MAP2K6: variants seen among roughly 807,000 people sequenced by gnomAD.
The protein encoded by MAP2K6 is mitogen-activated protein kinase kinase 6, also known as dual specificity mitogen-activated protein kinase kinase 6.
In MAP2K6, 16 loss-of-function variants were observed where a neutral mutation model predicts 53.7. The ratio of observed to expected loss-of-function variants is 0.30; its 90% CI spans 0.20 to 0.45. The LOEUF (loss-of-function observed/expected upper bound fraction) is 0.45. Among genes scored for constraint, MAP2K6 ranks in the 20% least tolerant of loss-of-function variants. MAP2K6 has a pLI of 1.00. For missense variants in MAP2K6, 204 were observed against 411.9 expected, an observed-to-expected ratio of 0.50 and a Z score of 4.37; for synonymous variants, 132 against 143.1, an observed-to-expected ratio of 0.92 and a Z score of 0.55.
intron 1 of MAP2K6, among the ~76,000 whole-genome samples, chr17:69,449,501 T>TC (rs748689577): frequency 0.047 from 4,616 of 98,802 alleles, 297 homozygotes; most frequent in South Asian, 0.087. Flanking sequence ...TTTCTTTCTT[T>TC]TTTCTTTCTT....
At chr17:69,535,494 G>C (rs576733641) in intron 10 of MAP2K6, among the ~76,000 whole-genome samples, 1 of 152,228 alleles carries the variant, frequency 6.6e-6, no homozygotes, top group Admixed American at 6.5e-5. Flanking sequence ...AGGAGGCTGA[G>C]GCAGGAAGAT....
At chr17:69,426,656 G>C (rs1906284345) in intron 1 of MAP2K6, among the ~76,000 whole-genome samples, 1 of 152,178 alleles carries the variant, frequency 6.6e-6, no homozygotes, top group Non-Finnish European at 1.5e-5. Flanking sequence ...TCAGGAAAGT[G>C]TTGACAGGTG....
intron 1 of MAP2K6, among the ~76,000 whole-genome samples, chr17:69,446,382 A>G (rs779410120): frequency 1.2e-4 from 18 of 152,252 alleles, no homozygotes; most frequent in Non-Finnish European, 2.1e-4. Flanking sequence ...ACTAAATGTT[A>G]AGAGATTGAA....
At chr17:69,491,380 C>A (rs925501571) in intron 1 of MAP2K6, among the ~76,000 whole-genome samples, 1 of 152,048 alleles carries the variant, frequency 6.6e-6, no homozygotes, top group African/African-American at 2.4e-5. Flanking sequence ...CTGACCTCAA[C>A]TATTCTGCCC....
intron 1 of MAP2K6, among the ~76,000 whole-genome samples, chr17:69,487,621 T>A (rs1161201280): frequency 6.6e-6 from 1 of 152,188 alleles, no homozygotes; most frequent in Non-Finnish European, 1.5e-5. Context: ...GGGTGAGGCT[T>A]ACATTAATAA....
rs11406039 is a variant in MAP2K6, at chr17:69,501,918, G to GTTT, written c.17-3845_17-3843dup. On this transcript the variant is annotated intron_variant, in intron 1 of 11. Coordinates refer to ENST00000590474, the MANE Select transcript of MAP2K6 (RefSeq NM_002758.4). ...TATTATTCATAGTGCTCCCTCCCATGTTTTTTTTTTTTTTTTTTTAACAGT... is the reference window on the plus strand; with the variant it reads ...TATTATTCATAGTGCTCCCTCCCATGTTTTTTTTTTTTTTTTTTTTTTAACAGT... Among the ~76,000 whole-genome samples, 598 of 129,036 alleles carry GTTT rather than the reference G, an allele frequency of 4.6e-3. 4 individuals carry two copies. Among genetic ancestry groups the GTTT allele is most frequent in the Middle Eastern group, 0.012 (3 of 252 alleles). The allele number at this position is 129,036 out of a possible 152,430, so 84.7% of individuals were successfully genotyped here.
chr17:69,468,105 G>C (rs138644940), intron 1 of MAP2K6, among the ~76,000 whole-genome samples: 2 of 152,218 alleles, frequency 1.3e-5, no homozygotes, highest in African/African-American at 4.8e-5. Flanking sequence ...ATCTTAACCT[G>C]TTTCAGCCCA....
At chr17:69,515,522 C>G (rs1361277443) in intron 2 of MAP2K6, among the ~76,000 whole-genome samples, 7 of 152,192 alleles carry the variant, frequency 4.6e-5, no homozygotes, top group Admixed American at 1.3e-4. Context: ...TTTCTCAGCT[C>G]CTAGTTGTGT....
chr17:69,547,677 C>T lies in MAP2K6; in HGVS notation c.*5924C>T, dbSNP rs1911930617. 6.6e-6 allele frequency: 1 copy of T among 152,200 alleles called. No individual in the cohort carries two copies. Among genetic ancestry groups the T allele is most frequent in the Admixed American group, 6.5e-5 (1 of 15,290 alleles). The allele number at this position is 152,200 out of a possible 1,614,324, so 9.4% of individuals were successfully genotyped here. A position where few individuals can be genotyped will look rare whatever the true frequency, so the allele number is the denominator to read the frequency against. ...TCCCATGAAAGTTGCTTGTTAATGT[C>T]CTCAGGTAAGTATGAATTGTTCTGG... On this transcript the variant is annotated 3_prime_UTR_variant, in exon 12 of 12. Transcript: ENST00000590474.
At chr17:69,465,591 A>T (rs1409173311) in intron 1 of MAP2K6, among the ~76,000 whole-genome samples, 3 of 150,554 alleles carry the variant, frequency 2.0e-5, no homozygotes, top group South Asian at 2.1e-4. Flanking sequence ...CAGAGGAGGG[A>T]TGTGCCCTTC....
At chr17:69,521,683 C>T (rs1431915073) in intron 7 of MAP2K6, 1 of 151,988 alleles carries the variant, frequency 6.6e-6, no homozygotes, top group East Asian at 1.9e-4. Context: ...CCCATTCATC[C>T]ATTTATTCAT....
At position 69,460,875 on chromosome 17, in the gene MAP2K6, C is replaced by G. The variant is rs139583193; in HGVS notation, c.17-44905C>G. 7.9e-5 allele frequency among the ~76,000 whole-genome samples: 12 copies of G among 152,276 alleles called. No individual in the cohort carries two copies. The East Asian group carries it at 2.3e-3, about 29-fold the overall frequency. On this transcript the variant is annotated intron_variant, in intron 1 of 11. Transcript: ENST00000590474. ...TTGGCCTCCCAAGGTGCTGGGATTA[C>G]AGGCCTGAGCCACCATACCTGGTTG...
chr17:69,485,848 G>T (rs1353915211), intron 1 of MAP2K6, among the ~76,000 whole-genome samples: 2 of 152,068 alleles, frequency 1.3e-5, no homozygotes, highest in Non-Finnish European at 2.9e-5. Context: ...TGGCTTGACA[G>T]TTGCTCAAAT....
intron 1 of MAP2K6, among the ~76,000 whole-genome samples, chr17:69,473,555 T>G (rs572076308): frequency 1.3e-5 from 2 of 152,288 alleles, no homozygotes; most frequent in African/African-American, 4.8e-5. Flanking sequence ...AAATATTTTC[T>G]TTTTGAACTC....
chr17:69,414,727 C>T lies in MAP2K6; in HGVS notation c.-258C>T, dbSNP rs1905844280. 4.3e-6 allele frequency: 2 copies of T among 464,480 alleles called. No individual in the cohort carries two copies. Among genetic ancestry groups the T allele is most frequent in the Non-Finnish European group, 7.8e-6 (2 of 257,754 alleles). The allele number at this position is 464,480 out of a possible 1,614,324, so 28.8% of individuals were successfully genotyped here. On this transcript the variant is annotated 5_prime_UTR_variant, in exon 1 of 12. Coordinates refer to ENST00000590474, the MANE Select transcript of MAP2K6 (RefSeq NM_002758.4). ...CAAGTTTGGAGCTTTTAGCTGCCAG[C>T]CCTGGCCCATCATGTAGCTGCAGCA... is the stretch of plus-strand genomic sequence containing the variant.
At chr17:69,433,705 GA>G (rs1906545655) in intron 1 of MAP2K6, 1 of 152,222 alleles carries the variant, frequency 6.6e-6, no homozygotes, top group Non-Finnish European at 1.5e-5. Context: ...ACCTCAAAGG[GA>G]AAGTGATTAT....
intron 2 of MAP2K6, among the ~76,000 whole-genome samples, chr17:69,516,351 CCACTGCTGATCTGA>C (rs771401925): frequency 3.3e-5 from 5 of 151,992 alleles, no homozygotes; most frequent in Non-Finnish European, 7.4e-5. Flanking sequence ...GAATCTAATG[CCACTGCTGATCTGA>C]CAGGAGATGG....
rs1351347015 is a variant in MAP2K6, at chr17:69,553,408, G to C, written c.*11655G>C. 1 of 152,164 alleles carries C rather than the reference G, an allele frequency of 6.6e-6. No individual in the cohort carries two copies. The highest frequency in any genetic ancestry group is 2.4e-5 in the African/African-American group (1 of 41,436). 9.4% of individuals were successfully genotyped at this position (152,164 alleles called of 1,614,324 possible). ...ATGTGGTTGTTCCACGGTTCATCTG[G>C]CTACCGTTCTGGGTCCCCTCTGACC... On this transcript the variant is annotated 3_prime_UTR_variant, in exon 12 of 12. Coordinates refer to ENST00000590474, the MANE Select transcript of MAP2K6 (RefSeq NM_002758.4).
chr17:69,540,253 C>T (rs1911549934), intron 11 of MAP2K6, among the ~76,000 whole-genome samples: 1 of 152,012 alleles, frequency 6.6e-6, no homozygotes, highest in South Asian at 2.1e-4. Flanking sequence ...AACTAAACTC[C>T]CTAAAGTCAG....
Sources: allele counts gnomAD v4.1 joint callset (sites outside exome capture counted in the v4.1 genomes callset), GRCh38; gene constraint gnomAD v4.1.1; transcripts MANE v1.5; gene names NCBI Gene and HGNC (gene_info 2026-07-23, HGNC 2026-07-21).